Variants in PALMD observed in about 807,000 individuals in gnomAD.
The protein encoded by PALMD is paralemmin-like protein.
PALMD carries 42 observed loss-of-function variants against 56.2 expected under a neutral mutation model. The observed-to-expected ratio is 0.75, with a 90% confidence interval of 0.58 to 0.97. The LOEUF (loss-of-function observed/expected upper bound fraction) is 0.97, where lower values mean the gene tolerates loss of function less well. PALMD is among the 50% of genes least tolerant of loss of function. PALMD has a pLI of 0.00. For synonymous variants in PALMD, 242 were observed against 222.9 expected, an observed-to-expected ratio of 1.09 and a Z score of -0.76; for missense variants, 660 against 643.8, an observed-to-expected ratio of 1.03 and a Z score of -0.27.
Position 99,653,131 on chromosome 1 carries a change from G to A in PALMD, c.45+6769G>A, listed in dbSNP as rs12093041. On this transcript the variant is annotated intron_variant, in intron 1 of 7. Coordinates refer to ENST00000263174, the MANE Select transcript of PALMD (RefSeq NM_017734.5). ...CATCTTTCACAGTTCCCTCAACAAC[G>A]AGCTCAACACTAGCTGGAGCACCAA... 4.1e-3 allele frequency among the ~76,000 whole-genome samples: 625 copies of A among 152,080 alleles called. 7 individuals carry two copies. Among genetic ancestry groups the A allele is most frequent in the African/African-American group, 0.014 (591 of 41,472 alleles).
At chr1:99,686,883 C>A in intron 4 of PALMD, 47 bp from the exon 5 acceptor site, 1 of 1,424,624 alleles carries the variant, frequency 7.0e-7, no homozygotes, top group South Asian at 1.2e-5. Context: ...CATTTAGATT[C>A]TATTTTTTAA....
chr1:99,666,008 G>A (rs1468380674), intron 2 of PALMD, among the ~76,000 whole-genome samples: 1 of 152,086 alleles, frequency 6.6e-6, no homozygotes, highest in Non-Finnish European at 1.5e-5. Flanking sequence ...CTCTTGTGAT[G>A]TATATCGTCC....
At position 99,689,205 on chromosome 1, in the gene PALMD, C is replaced by G. The variant is rs1653597953; in HGVS notation, c.945C>G (p.Asn315Lys). 1 of 1,613,388 alleles carries G rather than the reference C, an allele frequency of 6.2e-7. No homozygotes were observed. The highest frequency in any genetic ancestry group is 8.5e-7 in the Non-Finnish European group (1 of 1,179,658). The change falls in exon 7 of 8, where the codon AAC becomes AAG. Residue 315 changes from asparagine to lysine, a missense_variant. Coordinates refer to ENST00000263174, the MANE Select transcript of PALMD (RefSeq NM_017734.5). ...ATGGTCTTTCAGAGGAAAGGGGAAACAACTTCAATCACATCAGTCCCATTC... is the reference window on the plus strand; with the variant it reads ...ATGGTCTTTCAGAGGAAAGGGGAAAGAACTTCAATCACATCAGTCCCATTC... ...MGNGLSEERG[N>K]NFNHISPIPP...
At chr1:99,686,639 G>A (rs966114359) in intron 3 of PALMD, 37 bp from the exon 4 acceptor site, 1 of 1,061,130 alleles carries the variant, frequency 9.4e-7, no homozygotes, top group Non-Finnish European at 1.4e-6. Flanking sequence ...CATTTGTACT[G>A]TGTTAAGCAA....
chr1:99,681,990 T>C (rs1003388851), intron 3 of PALMD, among the ~76,000 whole-genome samples: 2 of 152,080 alleles, frequency 1.3e-5, no homozygotes, highest in Non-Finnish European at 1.5e-5. Flanking sequence ...CTCTTCTCCA[T>C]TGCTGGGCTA....
intron 2 of PALMD, among the ~76,000 whole-genome samples, chr1:99,665,008 T>A (rs1276087678): frequency 1.3e-5 from 2 of 152,170 alleles, no homozygotes; most frequent in South Asian, 2.1e-4. Context: ...TACATCTTAA[T>A]ATTCAAACTA....
chr1:99,663,790 A>G (rs1652905237), intron 2 of PALMD, among the ~76,000 whole-genome samples: 2 of 152,158 alleles, frequency 1.3e-5, no homozygotes, highest in African/African-American at 4.8e-5. Context: ...TTCTAGAAGT[A>G]AGTTTCGCAT....
intron 3 of PALMD, among the ~76,000 whole-genome samples, chr1:99,683,032 GA>G (rs1164981533): frequency 4.1e-4 from 5 of 12,218 alleles, no homozygotes; most frequent in African/African-American, 2.3e-3. Context: ...AAGAAAGAAA[GA>G]AAGAAAGAAA....
chr1:99,686,544 A>T (rs894535465), intron 3 of PALMD, 132 bp from the exon 4 acceptor site: 2 of 561,106 alleles, frequency 3.6e-6, no homozygotes, highest in African/African-American at 3.9e-5. Flanking sequence ...TAAGTGTGAC[A>T]TTATATTCTT....
intron 1 of PALMD, among the ~76,000 whole-genome samples, chr1:99,658,024 G>A (rs1347804727): frequency 1.3e-5 from 2 of 152,216 alleles, no homozygotes. Context: ...CATGTTGGCT[G>A]GCACAGTGGC....
chr1:99,659,366 G>A (rs140256853), intron 1 of PALMD, among the ~76,000 whole-genome samples: 1 of 152,144 alleles, frequency 6.6e-6, no homozygotes, highest in Admixed American at 6.6e-5. Flanking sequence ...TAAAAATCTA[G>A]GTAAATGTCC....
intron 3 of PALMD, among the ~76,000 whole-genome samples, chr1:99,674,377 T>C (rs1246374991): frequency 2.0e-5 from 3 of 152,154 alleles, no homozygotes; most frequent in South Asian, 4.1e-4. Flanking sequence ...ATGACAATTC[T>C]CTGAGGGAAG....
At chr1:99,690,480 C>A (rs1001816505) in intron 7 of PALMD, among the ~76,000 whole-genome samples, 2 of 152,004 alleles carry the variant, frequency 1.3e-5, no homozygotes, top group African/African-American at 2.4e-5. Context: ...GCATATTTAT[C>A]TTTTCTATTT....
At position 99,677,069 on chromosome 1, in the gene PALMD, C is replaced by T. The variant is rs569884033; in HGVS notation, c.251+9303C>T. Among the ~76,000 whole-genome samples, 253 of 152,246 alleles carry T rather than the reference C, an allele frequency of 1.7e-3. 1 individual carries two copies. The highest frequency in any genetic ancestry group is 5.5e-3 in the African/African-American group (230 of 41,548). ...AAGTAAAAAGACCTTTCATTTTTCA[C>T]TGCAAACCTTAACCATTCAGTAGTA... On this transcript the variant is annotated intron_variant, in intron 3 of 7. Transcript: ENST00000263174.
chr1:99,670,345 T>C (rs1653055102), intron 3 of PALMD, among the ~76,000 whole-genome samples: 1 of 152,210 alleles, frequency 6.6e-6, no homozygotes, highest in African/African-American at 2.4e-5. Flanking sequence ...AAGGAACTTG[T>C]ATAATTTACA....
intron 3 of PALMD, among the ~76,000 whole-genome samples, chr1:99,673,627 G>A (rs1040434092): frequency 6.6e-6 from 1 of 152,096 alleles, no homozygotes; most frequent in African/African-American, 2.4e-5. Flanking sequence ...TTGACTAATT[G>A]GTTTACCAGA....
intron 7 of PALMD, among the ~76,000 whole-genome samples, chr1:99,693,395 A>T (rs1460798685): frequency 6.6e-6 from 1 of 152,226 alleles, no homozygotes; most frequent in Non-Finnish European, 1.5e-5. Context: ...ATTTTAAAAA[A>T]TGCTTTCTAC....
At chr1:99,656,988 T>A (rs1223570610) in intron 1 of PALMD, among the ~76,000 whole-genome samples, 1 of 152,184 alleles carries the variant, frequency 6.6e-6, no homozygotes. Context: ...TGTGGCCAAA[T>A]TCACCAAGTC....
chr1:99,658,312 AAAAAAAG>A lies in PALMD; in HGVS notation c.46-3994_46-3988del, dbSNP rs1461254341. ...GTGCAAGACTCTGTCTCAAAAAAAA[AAAAAAAG>A]AAAAAAGAAAAACTATTACATGTAA... On this transcript the variant is annotated intron_variant, in intron 1 of 7. Coordinates refer to ENST00000263174, the MANE Select transcript of PALMD (RefSeq NM_017734.5). Among the ~76,000 whole-genome samples the A allele has an allele frequency of 6.6e-5, 10 of 151,800 alleles. No individual in the cohort carries two copies. In the East Asian group the frequency reaches 7.7e-4, roughly 12 times the overall value.
Sources: gnomAD v4.1 joint callset for allele counts (sites outside exome capture counted in the v4.1 genomes callset) on GRCh38, gnomAD v4.1.1 for gene constraint, MANE v1.5 for transcripts, NCBI Gene and HGNC (gene_info 2026-07-23, HGNC 2026-07-21) for gene names.